LRRFIP1: variants seen among roughly 807,000 people sequenced by gnomAD.
LRRFIP1 encodes LRR binding FLII interacting protein 1.
A neutral mutation model predicts 104.4 loss-of-function variants in LRRFIP1; 62 were observed. The ratio of observed to expected loss-of-function variants is 0.59; its 90% confidence interval spans 0.48 to 0.73. The LOEUF (loss-of-function observed/expected upper bound fraction) is 0.73, where lower values mean the gene tolerates loss of function less well. Ranked by LOEUF, LRRFIP1 falls within the 30% of genes least tolerant of loss-of-function variation. The probability of loss-of-function intolerance (pLI) is 0.00; values close to 1 mark genes in which losing one functional copy is unlikely to be tolerated. For synonymous variants in LRRFIP1, 300 were observed against 299.0 expected, an observed-to-expected ratio of 1.00 and a Z score of -0.03; for missense variants, 796 against 824.5, an observed-to-expected ratio of 0.97 and a Z score of 0.42.
intron 21 of LRRFIP1, chr2:237,772,446 A>C: frequency 2.1e-6 from 1 of 483,006 alleles, no homozygotes; most frequent in Non-Finnish European, 3.7e-6. Context: ...TGCCGATGGA[A>C]ACCACATTTA....
chr2:237,731,440 C>T (rs2095005336), intron 8 of LRRFIP1, among the ~76,000 whole-genome samples: 1 of 152,004 alleles, frequency 6.6e-6, no homozygotes, highest in South Asian at 2.1e-4. Flanking sequence ...TCAACCCTTC[C>T]CATAGTCCCC....
chr2:237,663,681 G>T lies in LRRFIP1; in HGVS notation c.96+35941G>T, dbSNP rs188681720. 5.2e-4 allele frequency among the ~76,000 whole-genome samples: 79 copies of T among 152,378 alleles called. No homozygotes were observed. The Middle Eastern group carries it at 0.027, about 52-fold the overall frequency. ...GAATGACTTCCGGGCCTCTGACAGG[G>T]TGCTTGGGGAGGATGGTGTGATGTT... is the stretch of plus-strand genomic sequence containing the variant. On this transcript the variant is annotated intron_variant, in intron 1 of 23. Coordinates refer to ENST00000308482, the MANE Select transcript of LRRFIP1 (RefSeq NM_001137550.2).
intron 1 of LRRFIP1, among the ~76,000 whole-genome samples, chr2:237,673,180 A>G (rs1159466713): frequency 1.4e-5 from 2 of 147,194 alleles, no homozygotes; most frequent in Non-Finnish European, 3.0e-5. Context: ...TGTTTCAGTG[A>G]AAAAAAAATA....
chr2:237,739,937 G>A (rs970775488), intron 11 of LRRFIP1, among the ~76,000 whole-genome samples: 4 of 152,112 alleles, frequency 2.6e-5, no homozygotes, highest in African/African-American at 4.8e-5. Context: ...TTTGCAGGAC[G>A]GTTTTGGACT....
chr2:237,714,154 G>A, intron 2 of LRRFIP1, 105 bp from the exon 3 acceptor site: 1 of 697,070 alleles, frequency 1.4e-6, no homozygotes, highest in Admixed American at 2.6e-5. Context: ...TGTATTCGTT[G>A]TGACTTGATT....
intron 23 of LRRFIP1, among the ~76,000 whole-genome samples, chr2:237,777,105 T>C (rs900967916): frequency 1.3e-5 from 2 of 152,228 alleles, no homozygotes; most frequent in African/African-American, 4.8e-5. Flanking sequence ...TTGAGCACTT[T>C]AGCTTCACCC....
intron 19 of LRRFIP1, chr2:237,764,556 T>C (rs1482773995): frequency 1.7e-5 from 17 of 1,022,998 alleles, no homozygotes; most frequent in Non-Finnish European, 2.0e-5. Flanking sequence ...ATAATTGATA[T>C]TTAAATTAAT....
In LRRFIP1 at chr2:237,719,537, C is replaced by T; in HGVS notation, c.264C>T (p.Arg88=). The T allele has an allele frequency of 6.2e-7, 1 of 1,613,574 alleles. No individual in the cohort carries two copies. The highest frequency in any genetic ancestry group is 8.5e-7 in the Non-Finnish European group (1 of 1,179,616). Reference sequence around the variant, plus strand: ...TTCATTGTTAGGAAGACAGTGAGCGCTACTCTCGTAGATCCAGAAGAAACA... The same window carrying T: ...TTCATTGTTAGGAAGACAGTGAGCGTTACTCTCGTAGATCCAGAAGAAACA... The part of the protein sequence containing the change: ...DIEQWMEDSE[R]YSRRSRRNTS... The change falls in exon 5 of 24, where the codon CGC becomes CGT. Residue 88 remains arginine, a synonymous_variant. Transcript: ENST00000308482.
intron 2 of LRRFIP1, among the ~76,000 whole-genome samples, chr2:237,712,056 G>T (rs1278689238): frequency 1.3e-5 from 2 of 152,230 alleles, no homozygotes; most frequent in Admixed American, 6.5e-5. Flanking sequence ...AGTCAGAGAA[G>T]CCTGGGGCGG....
At chr2:237,667,453 T>C (rs1399814202) in intron 1 of LRRFIP1, among the ~76,000 whole-genome samples, 2 of 152,242 alleles carry the variant, frequency 1.3e-5, no homozygotes, top group Non-Finnish European at 2.9e-5. Context: ...ATCCAGTCTA[T>C]CATTGATGGG....
chr2:237,718,336 C>T (rs887502262), intron 4 of LRRFIP1, among the ~76,000 whole-genome samples: 4 of 152,234 alleles, frequency 2.6e-5, no homozygotes, highest in East Asian at 1.9e-4. Flanking sequence ...TCATCTTGTC[C>T]GCTGTGCCTG....
chr2:237,689,345 G>A (rs149503200), intron 1 of LRRFIP1, among the ~76,000 whole-genome samples: 2 of 152,272 alleles, frequency 1.3e-5, no homozygotes, highest in East Asian at 3.9e-4. Flanking sequence ...GGATGGTTCT[G>A]AGACTTCCAC....
chr2:237,671,368 C>A (rs1431310520), intron 1 of LRRFIP1, among the ~76,000 whole-genome samples: 2 of 152,340 alleles, frequency 1.3e-5, no homozygotes. Flanking sequence ...CGTGATCCCA[C>A]AAATGCTAAT....
At position 237,711,284 on chromosome 2, in the gene LRRFIP1, A is replaced by G. The variant is rs566217750; in HGVS notation, c.183+2654A>G. Among the ~76,000 whole-genome samples the G allele has an allele frequency of 3.9e-5, 6 of 152,306 alleles. No homozygotes were observed. The highest frequency in any genetic ancestry group is 1.4e-4 in the African/African-American group (6 of 41,564). ...CTTCTTCAGCATGAGTACAGATGTC[A>G]TTTGCTTAGTAGATGGCATTCACAT... On this transcript the variant is annotated intron_variant, in intron 2 of 23. Transcript: ENST00000308482. The surrounding 1 kb of genome is among the most constrained non-coding windows in gnomAD (Gnocchi z 4.4).
chr2:237,635,275 T>C (rs1319627484), intron 1 of LRRFIP1, among the ~76,000 whole-genome samples: 1 of 152,242 alleles, frequency 6.6e-6, no homozygotes, highest in Non-Finnish European at 1.5e-5. Flanking sequence ...TGTGTCTTCT[T>C]TGACATAATT....
intron 17 of LRRFIP1, among the ~76,000 whole-genome samples, chr2:237,758,112 G>A (rs7575627): frequency 0.095 from 14,420 of 152,058 alleles, 1,197 homozygotes; most frequent in African/African-American, 0.23. Context: ...TCCCCAAAAT[G>A]GTGATTCCTA....
chr2:237,672,309 A>G (rs1006541859), intron 1 of LRRFIP1, among the ~76,000 whole-genome samples: 2 of 152,226 alleles, frequency 1.3e-5, no homozygotes, highest in African/African-American at 4.8e-5. Context: ...CATGGTTTCT[A>G]GAATTCCTTG....
chr2:237,660,161 G>A (rs2087611079), intron 1 of LRRFIP1, among the ~76,000 whole-genome samples: 2 of 152,142 alleles, frequency 1.3e-5, no homozygotes, highest in Non-Finnish European at 2.9e-5. Context: ...AAGTTATTAA[G>A]AAGGCCAATG....
chr2:237,647,080 G>T (rs912897694), intron 1 of LRRFIP1, among the ~76,000 whole-genome samples: 1 of 151,982 alleles, frequency 6.6e-6, no homozygotes, highest in Non-Finnish European at 1.5e-5. Context: ...AGTATCCTCT[G>T]CTTCCTTTTT....
Sources: gnomAD v4.1 joint callset for allele counts (sites outside exome capture counted in the v4.1 genomes callset) on GRCh38, gnomAD v4.1.1 for gene constraint, Gnocchi (gnomAD v3.1) non-coding constraint, MANE v1.5 for transcripts, NCBI Gene and HGNC (gene_info 2026-07-23, HGNC 2026-07-21) for gene names.